The following POLM variants were observed in gnomAD, a reference collection of about 807,000 sequenced individuals.
The protein encoded by POLM is DNA polymerase mu, also known as DNA-directed DNA/RNA polymerase mu.
A neutral mutation model predicts 56.7 loss-of-function variants in POLM; 52 were observed. The observed-to-expected ratio is 0.92, with a 90% confidence interval of 0.73 to 1.15. POLM has a LOEUF of 1.15. Ranked by LOEUF, POLM falls within the 50% of genes most tolerant of loss-of-function variation. POLM has a pLI of 0.00. For missense variants in POLM, 660 were observed against 663.6 expected (o/e 0.99, Z 0.06); for synonymous variants, 273 against 274.3 (o/e 1.00, Z 0.05).
At chr7:44,080,305 A>G in intron 2 of POLM, 6 of 538,360 alleles carry the variant, frequency 1.1e-5, no homozygotes, top group South Asian at 9.2e-5. Context: ...TTGCCCCACA[A>G]CCATGGCTCA....
chr7:44,073,737 G>A (rs777418573), intron 9 of POLM, 29 bp from the exon 10 acceptor site: 1 of 1,614,102 alleles, frequency 6.2e-7, no homozygotes, highest in Non-Finnish European at 8.5e-7. Context: ...CCTCAGCAGG[G>A]CTGGCCCAGC....
At chr7:44,077,184 A>G (rs1218247543) in intron 5 of POLM, among the ~76,000 whole-genome samples, 1 of 152,228 alleles carries the variant, frequency 6.6e-6, no homozygotes, top group Non-Finnish European at 1.5e-5. Flanking sequence ...TGGATCTGAG[A>G]CTGAGGGCAG....
chr7:44,079,556 A>T lies in POLM; in HGVS notation c.642+15T>A. ...CCACCCACCCACTCACCCTGCTAGG[A>T]TGGTAAGCACCTACCTGGACAACCC... On this transcript the variant is annotated intron_variant, in intron 4 of 10. Coordinates refer to ENST00000242248, the MANE Select transcript of POLM (RefSeq NM_013284.4). 11 of 821,852 alleles carry T rather than the reference A, an allele frequency of 1.3e-5. No individual in the cohort carries two copies. Among genetic ancestry groups the T allele is most frequent in the Non-Finnish European group, 1.8e-5 (9 of 512,168 alleles). The allele number at this position is 821,852 out of a possible 1,614,324, so 50.9% of individuals were successfully genotyped here.
At chr7:44,081,936 G>T (rs1022720641) in intron 1 of POLM, among the ~76,000 whole-genome samples, 2 of 151,906 alleles carry the variant, frequency 1.3e-5, no homozygotes, top group African/African-American at 4.8e-5. Flanking sequence ...TAGTAGAGAC[G>T]GGGTTTCACC....
At chr7:44,079,513 C>T (rs1462494288) in intron 4 of POLM, 58 bp downstream of exon 4, 15 of 1,550,424 alleles carry the variant, frequency 9.7e-6, no homozygotes, top group Non-Finnish European at 1.3e-5. Context: ...TGCTGTCTCA[C>T]CAGGCCCCAA....
rs550516150 is a variant in POLM at position 44,073,687 on chromosome 7, G to A, written c.1336C>T (p.Arg446Cys). 3.1e-5 allele frequency: 50 copies of A among 1,614,056 alleles called. No homozygotes were observed. The highest frequency in any genetic ancestry group is 1.6e-4 in the Middle Eastern group (1 of 6,082). ...AGGCCCTTCTCCTTCCGGCTGAAGC[G>A]GCGCAGCTCCCGCTGGAAAAGCTGT... Reference protein sequence around the residue: ...GSKLFQRELRRFSRKEKGLWL... With the variant: ...GSKLFQRELRCFSRKEKGLWL... Residue 446 changes from arginine to cysteine, a missense_variant, in exon 10 of 11, where the codon CGC becomes TGC. Transcript: ENST00000242248.
In POLM at chr7:44,074,150, A is replaced by C; in HGVS notation, c.1052T>G (p.Met351Arg). 1 of 1,604,844 alleles carries C rather than the reference A, an allele frequency of 6.2e-7. No individual in the cohort carries two copies. The highest frequency in any genetic ancestry group is 8.5e-7 in the Non-Finnish European group (1 of 1,176,964). ...GQEAGLLPRV[M>R]CRLQDQGLIL... ...CCTCACCTGGTCCTGCAGGCGGCAC[A>C]TCACTCTAGGCAGCAGCCCCGCCTC... is the stretch of plus-strand genomic sequence containing the variant. The change falls in exon 8 of 11, where the codon ATG becomes AGG. Residue 351 changes from methionine to arginine, a missense_variant. Met to Arg is a moderately conservative substitution (Grantham distance 91, BLOSUM62 -1). Coordinates refer to ENST00000242248, the MANE Select transcript of POLM (RefSeq NM_013284.4).
intron 1 of POLM, 141 bp downstream of exon 1, chr7:44,082,110 C>T: frequency 1.4e-6 from 1 of 709,286 alleles, no homozygotes. Context: ...AAACACGCCT[C>T]GCCCTAATTA....
intron 5 of POLM, 24 bp from the exon 6 acceptor site, chr7:44,076,653 G>C (rs1460350712): frequency 6.2e-7 from 1 of 1,612,506 alleles, no homozygotes; most frequent in East Asian, 2.2e-5. Context: ...GCGTAGCCCG[G>C]TTGGGCAGAG....
chr7:44,074,269 G>A (rs766937371), intron 7 of POLM, 36 bp from the exon 8 acceptor site: 14 of 1,549,438 alleles, frequency 9.0e-6, no homozygotes, highest in Admixed American at 5.9e-5. Flanking sequence ...TCAGGGACAC[G>A]GCCTGCTCAC....
chr7:44,073,756 C>CA (rs760733413), intron 9 of POLM, 27 bp downstream of exon 9: 1 of 1,613,938 alleles, frequency 6.2e-7, no homozygotes, highest in Non-Finnish European at 8.5e-7. Flanking sequence ...GCCCCACCCC[C>CA]AGGCGGCCCA....
In POLM at chr7:44,073,286, C is replaced by T. The variant is rs775355425; in HGVS notation, c.*5G>A. On this transcript the variant is annotated 3_prime_UTR_variant, in exon 11 of 11. Transcript: ENST00000242248. The stretch of plus-strand genomic sequence containing the variant: ...CCTGAGTGGAAGTGGGGGACACAGG[C>T]AGGCTCAGGCGTTTCTCTGCTCTGG... 2 of 1,614,192 alleles carry T rather than the reference C, an allele frequency of 1.2e-6. No homozygotes were observed. The highest frequency in any genetic ancestry group is 1.7e-6 in the Non-Finnish European group (2 of 1,180,000).
chr7:44,081,777 A>C, intron 1 of POLM, among the ~76,000 whole-genome samples: 3 of 131,118 alleles, frequency 2.3e-5, no homozygotes, highest in Admixed American at 8.5e-5. Flanking sequence ...ACAGAGTCTC[A>C]CTCTGTCGCC....
intron 10 of POLM, 21 bp from the exon 11 acceptor site, chr7:44,073,398 C>T (rs1562666048): frequency 1.9e-6 from 3 of 1,597,054 alleles, no homozygotes; most frequent in Non-Finnish European, 2.5e-6. Flanking sequence ...AGCAGGACTT[C>T]CGTGACCTAG....
At chr7:44,076,063 G>T (rs1303351952) in intron 6 of POLM, 2 of 156,410 alleles carry the variant, frequency 1.3e-5, no homozygotes, top group Non-Finnish European at 2.8e-5. Flanking sequence ...TACAGAAAAT[G>T]TAACAGACTC....
chr7:44,080,122 C>T (rs1356799740), intron 2 of POLM, among the ~76,000 whole-genome samples, 163 bp from the exon 3 acceptor site: 1 of 152,216 alleles, frequency 6.6e-6, no homozygotes, highest in Non-Finnish European at 1.5e-5. Context: ...CTGAGGGAGG[C>T]ACCGCCCTGC....
chr7:44,074,086 T>G, intron 8 of POLM, 45 bp downstream of exon 8: 1 of 1,607,504 alleles, frequency 6.2e-7, no homozygotes, highest in Non-Finnish European at 8.5e-7. Context: ...CAGGAGGCAG[T>G]GGCATTGGCC....
At position 44,079,608 on chromosome 7, in the gene POLM, A is replaced by C; in HGVS notation, c.605T>G (p.Leu202Arg). The C allele has an allele frequency of 6.2e-7, 1 of 1,613,870 alleles. No individual in the cohort carries two copies. The change falls in exon 4 of 11, where the codon CTT becomes CGT. Residue 202 changes from leucine to arginine, a missense_variant. Leu to Arg is a moderately radical substitution (Grantham distance 102). Transcript: ENST00000242248. Reference sequence around the variant, plus strand: ...AGAGGAGTGTTCTCCAAAGTGGGGAAGCCCCTGCAGCTGGCTCAGGGTTGT... The same window carrying C: ...AGAGGAGTGTTCTCCAAAGTGGGGACGCCCCTGCAGCTGGCTCAGGGTTGT... ...PVTTLSQLQGLPHFGEHSSRV... is the reference protein window; with the variant it reads ...PVTTLSQLQGRPHFGEHSSRV...
intron 3 of POLM, 25 bp from the exon 4 acceptor site, chr7:44,079,766 G>C (rs989299914): frequency 3.7e-6 from 6 of 1,610,324 alleles, no homozygotes; most frequent in Non-Finnish European, 5.1e-6. Flanking sequence ...CCTAGGTAAG[G>C]GGCAGGGTGG....
Sources: gnomAD v4.1 joint callset for allele counts (sites outside exome capture counted in the v4.1 genomes callset) on GRCh38, gnomAD v4.1.1 for gene constraint, MANE v1.5 for transcripts, NCBI Gene and HGNC (gene_info 2026-07-23, HGNC 2026-07-21) for gene names.